The following ANOS1 variants were observed in gnomAD, a reference collection of about 807,000 sequenced individuals.
The protein encoded by ANOS1 is anosmin 1, also known as anosmin-1.
Under a neutral mutation model 59.0 loss-of-function variants are expected in ANOS1, and 6 were observed. The ratio of observed to expected loss-of-function variants is 0.10; its 90% CI spans 0.06 to 0.20. ANOS1 has a LOEUF of 0.20. Ranked by LOEUF, ANOS1 falls within the 10% of genes least tolerant of loss-of-function variation. The probability of loss-of-function intolerance (pLI) is 1.00; values close to 1 mark genes in which losing one functional copy is unlikely to be tolerated. For synonymous variants in ANOS1, 217 were observed against 223.4 expected, an observed-to-expected ratio of 0.97 and a Z score of 0.25; for missense variants, 433 against 542.3, an observed-to-expected ratio of 0.80 and a Z score of 2.00.
At chrX:8,535,860 G>A (rs1381641637) in intron 11 of ANOS1, 49 bp from the exon 12 acceptor site, 1 of 1,010,585 alleles carries the variant, frequency 9.9e-7, no homozygotes, top group African/African-American at 1.9e-5. Flanking sequence ...TGGAGAAGGT[G>A]TGCCCAAGGG....
intron 2 of ANOS1, among the ~76,000 whole-genome samples, chrX:8,648,871 G>A (rs1244401157): frequency 8.9e-6 from 1 of 111,808 alleles, no homozygotes; most frequent in Non-Finnish European, 1.9e-5. Context: ...AGTCCTGTGG[G>A]ATGTTAAAGA....
chrX:8,659,580 GCTTGCCTTCCTTCCTT>G (rs1931997283), intron 2 of ANOS1, among the ~76,000 whole-genome samples: 1 of 72,346 alleles, frequency 1.4e-5, no homozygotes, highest in Non-Finnish European at 2.5e-5. Flanking sequence ...CTGCTTGCTT[GCTTGCCTTCCTTCCTT>G]CCTTCCTTCC....
At chrX:8,586,276 C>T (rs1930508323) in intron 5 of ANOS1, among the ~76,000 whole-genome samples, 1 of 111,953 alleles carries the variant, frequency 8.9e-6, no homozygotes, top group Admixed American at 9.5e-5. Context: ...CTTAAAATAA[C>T]TTAATGTGAA....
intron 2 of ANOS1, among the ~76,000 whole-genome samples, chrX:8,676,597 C>T (rs750252025): frequency 1.8e-5 from 2 of 111,898 alleles, no homozygotes; most frequent in Non-Finnish European, 3.8e-5. Flanking sequence ...CACATAAAGA[C>T]CTGGACTCCA....
chrX:8,579,764 T>G (rs1366101201), intron 6 of ANOS1, among the ~76,000 whole-genome samples: 1 of 111,648 alleles, frequency 9.0e-6, no homozygotes, highest in East Asian at 2.8e-4. Flanking sequence ...AGACAAAGAC[T>G]GACTTGAACA....
At chrX:8,582,992 C>G (rs965451013) in intron 6 of ANOS1, among the ~76,000 whole-genome samples, 4 of 111,494 alleles carry the variant, frequency 3.6e-5, no homozygotes, top group African/African-American at 1.3e-4. Context: ...GCAGCATTGC[C>G]GATTACTCAA....
intron 2 of ANOS1, among the ~76,000 whole-genome samples, chrX:8,684,669 C>T (rs764579613): frequency 6.4e-5 from 7 of 109,752 alleles, no homozygotes; most frequent in South Asian, 8.1e-4. Context: ...CCGCCTTCCC[C>T]GAGGAAAAGT....
chrX:8,674,710 C>T (rs917739350), intron 2 of ANOS1, among the ~76,000 whole-genome samples: 2 of 112,515 alleles, frequency 1.8e-5, no homozygotes, highest in Non-Finnish European at 3.8e-5. Flanking sequence ...GGGTTGGACA[C>T]GCTTGCTTTA....
intron 6 of ANOS1, among the ~76,000 whole-genome samples, chrX:8,578,488 G>GGGAAC (rs1357643510): frequency 3.6e-5 from 4 of 111,559 alleles, no homozygotes; most frequent in Non-Finnish European, 7.5e-5. Context: ...CGGGGCAACA[G>GGGAAC]GGAACTTTAT....
chrX:8,559,158 A>G (rs1929993206), intron 8 of ANOS1, among the ~76,000 whole-genome samples: 1 of 111,722 alleles, frequency 9.0e-6, no homozygotes, highest in African/African-American at 3.3e-5. Flanking sequence ...CCAGTAGAAG[A>G]GCATCAGTCT....
chrX:8,599,115 T>C (rs1930795036), intron 3 of ANOS1, among the ~76,000 whole-genome samples: 1 of 111,669 alleles, frequency 9.0e-6, no homozygotes, highest in Non-Finnish European at 1.9e-5. Context: ...AACTGCTTCA[T>C]GGGTATAAAG....
At chrX:8,617,539 G>A (rs1019166206) in intron 3 of ANOS1, among the ~76,000 whole-genome samples, 1 of 111,127 alleles carries the variant, frequency 9.0e-6, no homozygotes, top group South Asian at 3.8e-4. Context: ...CCAGCACTTT[G>A]GGAGGTCGAG....
chrX:8,715,096 G>A (rs62584230), intron 1 of ANOS1, among the ~76,000 whole-genome samples: 6,679 of 112,211 alleles, frequency 0.06, 198 homozygotes, highest in Non-Finnish European at 0.094. Context: ...CAAGAAAAAT[G>A]TGTTCATTGC....
At chrX:8,600,370 C>T (rs1434767594) in intron 3 of ANOS1, among the ~76,000 whole-genome samples, 1 of 111,983 alleles carries the variant, frequency 8.9e-6, no homozygotes, top group Non-Finnish European at 1.9e-5. Flanking sequence ...AAAAGGAAAA[C>T]AGTGGAAACA....
rs758824569 is a variant in ANOS1, at chrX:8,717,925, G to A, written c.207+13905C>T. On this transcript the variant is annotated intron_variant, in intron 1 of 13. Transcript: ENST00000262648. Reference sequence around the variant, plus strand: ...CAAACTGTTAAAAAATTAGCCAAGCGTGGTGGTACAGGCCTGTATACCAGC... The same window carrying A: ...CAAACTGTTAAAAAATTAGCCAAGCATGGTGGTACAGGCCTGTATACCAGC... Among the ~76,000 whole-genome samples the A allele has an allele frequency of 1.9e-3, 210 of 109,711 alleles. 1 individual carries two copies. Among genetic ancestry groups the A allele is most frequent in the Middle Eastern group, 9.3e-3 (2 of 215 alleles).
chrX:8,548,486 A>G (rs1245546526), intron 9 of ANOS1, among the ~76,000 whole-genome samples: 2 of 112,226 alleles, frequency 1.8e-5, no homozygotes, highest in Non-Finnish European at 3.8e-5. Flanking sequence ...ACTTCCTGTC[A>G]CTTCAAAGAA....
At chrX:8,569,470 G>A (rs764012541) in intron 7 of ANOS1, among the ~76,000 whole-genome samples, 98 of 111,644 alleles carry the variant, frequency 8.8e-4, no homozygotes, top group East Asian at 1.7e-3. Flanking sequence ...GTGAAACCCT[G>A]TCTCTACTAA....
chrX:8,685,660 A>AAAGAAAGAAAG (rs1569082698), intron 2 of ANOS1, among the ~76,000 whole-genome samples: 2 of 97,492 alleles, frequency 2.1e-5, no homozygotes, highest in East Asian at 3.6e-4. Flanking sequence ...AAGAAAGAAA[A>AAAGAAAGAAAG]AGAAAGGAAG....
chrX:8,599,728 C>T (rs1338021630), intron 3 of ANOS1, among the ~76,000 whole-genome samples: 1 of 111,901 alleles, frequency 8.9e-6, no homozygotes, highest in Non-Finnish European at 1.9e-5. Flanking sequence ...AACCATGACC[C>T]TTTAGTCAGA....
Sources: allele counts gnomAD v4.1 joint callset (sites outside exome capture counted in the v4.1 genomes callset), GRCh38; gene constraint gnomAD v4.1.1; transcripts MANE v1.5; gene names NCBI Gene and HGNC (gene_info 2026-07-23, HGNC 2026-07-21).